The following ANXA4 variants were observed in gnomAD, a reference collection of about 807,000 sequenced individuals.
The protein encoded by ANXA4 is annexin A4, also known as 35-beta calcimedin.
A neutral mutation model predicts 49.8 loss-of-function variants in ANXA4; 39 were observed. The ratio of observed to expected loss-of-function variants is 0.78; its 90% CI spans 0.61 to 1.02. The LOEUF is 1.02. ANXA4 is among the 50% of genes least tolerant of loss of function. The pLI, the probability that ANXA4 is intolerant of heterozygous loss-of-function variation, is 0.00. For missense variants in ANXA4, 360 were observed against 410.1 expected (o/e 0.88, Z 1.05); for synonymous variants, 134 against 152.5 (o/e 0.88, Z 0.89).
intron 2 of ANXA4, among the ~76,000 whole-genome samples, chr2:69,682,624 T>G (rs1677639295): frequency 6.6e-6 from 1 of 152,208 alleles, no homozygotes; most frequent in African/African-American, 2.4e-5. Context: ...ACTGTATTTT[T>G]TTAATGTGGA....
At chr2:69,708,696 C>T (rs1222225538) in intron 2 of ANXA4, among the ~76,000 whole-genome samples, 1 of 152,134 alleles carries the variant, frequency 6.6e-6, no homozygotes, top group Non-Finnish European at 1.5e-5. Flanking sequence ...CCCCTTTCCT[C>T]TCTGAAGATG....
At chr2:69,703,823 T>C (rs1678406753) in intron 2 of ANXA4, among the ~76,000 whole-genome samples, 1 of 152,148 alleles carries the variant, frequency 6.6e-6, no homozygotes, top group African/African-American at 2.4e-5. Flanking sequence ...TTTTTTCACT[T>C]ATTTACTTAT....
At chr2:69,740,677 C>CTTTTTTTTTTTTTTTTTTTTTT (rs1670363710), upstream of ANXA4, among the ~76,000 whole-genome samples, 1 of 92,402 alleles carries the variant, frequency 1.1e-5, no homozygotes, top group South Asian at 3.0e-4. Flanking sequence ...TTTCTTTCTT[C>CTTTTTTTTTTTTTTTTTTTTTT]CTCTTTTTTT....
At chr2:69,710,338 G>T (rs985022435) in intron 2 of ANXA4, among the ~76,000 whole-genome samples, 2 of 151,936 alleles carry the variant, frequency 1.3e-5, no homozygotes, top group African/African-American at 4.8e-5. Flanking sequence ...TTTACTTTCT[G>T]CTTAAAATTA....
At chr2:69,739,420 G>A (rs898818424), upstream of ANXA4, among the ~76,000 whole-genome samples, 1 of 151,730 alleles carries the variant, frequency 6.6e-6, no homozygotes, top group African/African-American at 2.4e-5. Context: ...TTTTTTAGGG[G>A]GGTGGGGTGG....
At chr2:69,739,318 GT>G (rs1276456259), upstream of ANXA4, among the ~76,000 whole-genome samples, 2 of 151,866 alleles carry the variant, frequency 1.3e-5, no homozygotes, top group Non-Finnish European at 2.9e-5. Flanking sequence ...ACCTGTCCAC[GT>G]GCTTTCCAGG....
intron 2 of ANXA4, among the ~76,000 whole-genome samples, chr2:69,656,689 A>G (rs949450369): frequency 7.9e-5 from 12 of 151,306 alleles, no homozygotes; most frequent in African/African-American, 2.9e-4. Context: ...AACTGAGACT[A>G]CAGGCATGCG....
chr2:69,767,202 T>C (rs1671527646), intron 1 of ANXA4, among the ~76,000 whole-genome samples: 1 of 152,260 alleles, frequency 6.6e-6, no homozygotes, highest in Non-Finnish European at 1.5e-5. Context: ...GTTTTCAGTT[T>C]GTAGCAAAAG....
At chr2:69,781,357 T>C in intron 1 of ANXA4, 163 bp from the exon 2 acceptor site, 1 of 615,186 alleles carries the variant, frequency 1.6e-6, no homozygotes, top group Non-Finnish European at 2.9e-6. Flanking sequence ...TTTCTCTAAT[T>C]AGCCCATTCC....
At chr2:69,817,118 A>T (rs768213035) in intron 9 of ANXA4, 4 of 152,360 alleles carry the variant, frequency 2.6e-5, no homozygotes, top group Non-Finnish European at 5.9e-5. Flanking sequence ...GTTACAAATA[A>T]CAGGAATCTC....
intron 2 of ANXA4, among the ~76,000 whole-genome samples, chr2:69,709,475 T>C (rs957744542): frequency 3.1e-4 from 47 of 152,296 alleles, no homozygotes; most frequent in Middle Eastern, 6.8e-3. Context: ...TCTTTGGTCA[T>C]TGTTTTCCAT....
intron 1 of ANXA4, among the ~76,000 whole-genome samples, chr2:69,649,512 C>T (rs1676144762): frequency 6.7e-6 from 1 of 149,720 alleles, no homozygotes; most frequent in Non-Finnish European, 1.5e-5. Flanking sequence ...CAGTGCTTTA[C>T]TGTCAAATGT....
intron 6 of ANXA4, 56 bp from the exon 7 acceptor site, chr2:69,810,538 C>A: frequency 1.4e-6 from 2 of 1,446,104 alleles, no homozygotes; most frequent in African/African-American, 1.4e-5. Flanking sequence ...TGGAGTGTGA[C>A]AGGGCATTGG....
intron 3 of ANXA4, among the ~76,000 whole-genome samples, chr2:69,729,782 G>C (rs868082890): frequency 1.1e-4 from 16 of 152,288 alleles, no homozygotes; most frequent in Middle Eastern, 6.8e-3. Flanking sequence ...TATTACTGGG[G>C]TGTGAATAAA....
chr2:69,776,624 A>C (rs1400541372), intron 1 of ANXA4, among the ~76,000 whole-genome samples: 2 of 152,182 alleles, frequency 1.3e-5, no homozygotes, highest in Non-Finnish European at 2.9e-5. Flanking sequence ...TCAAGTTAGC[A>C]CAGACCCCAC....
At chr2:69,689,691 G>A (rs905378921) in intron 2 of ANXA4, among the ~76,000 whole-genome samples, 7 of 152,072 alleles carry the variant, frequency 4.6e-5, no homozygotes, top group Non-Finnish European at 8.8e-5. Flanking sequence ...TGGTTATTCC[G>A]CCAACTCAGA....
At chr2:69,802,978 C>G (rs1340060773) in intron 3 of ANXA4, among the ~76,000 whole-genome samples, 2 of 151,926 alleles carry the variant, frequency 1.3e-5, no homozygotes, top group Non-Finnish European at 2.9e-5. Context: ...AGGTGGATCG[C>G]CTGAGGTCAG....
intron 2 of ANXA4, chr2:69,700,196 A>G (rs1249471491): frequency 6.6e-6 from 1 of 152,236 alleles, no homozygotes; most frequent in Non-Finnish European, 1.5e-5. Context: ...ACTGAATACA[A>G]AACATCACAT....
chr2:69,734,105 A>G (rs963012146), intron 3 of ANXA4, among the ~76,000 whole-genome samples: 1 of 152,164 alleles, frequency 6.6e-6, no homozygotes, highest in African/African-American at 2.4e-5. Flanking sequence ...ATGGTGGAGG[A>G]AGCCATCTGG....
Sources: gnomAD v4.1 joint callset for allele counts (sites outside exome capture counted in the v4.1 genomes callset) on GRCh38, gnomAD v4.1.1 for gene constraint, MANE v1.5 for transcripts, NCBI Gene and HGNC (gene_info 2026-07-23, HGNC 2026-07-21) for gene names.